Variants in ZFP1 observed in about 807,000 individuals in gnomAD.
ZFP1 encodes the protein ZFP1 zinc finger protein.
In ZFP1, 32 loss-of-function variants were observed where a neutral mutation model predicts 38.5. That is an observed-to-expected ratio of 0.83 (90% CI 0.63 to 1.12). ZFP1 has a LOEUF of 1.12. Ranked by LOEUF, ZFP1 falls within the 50% of genes most tolerant of loss-of-function variation. ZFP1 has a pLI of 0.00. For missense variants in ZFP1, 616 were observed against 480.8 expected, an observed-to-expected ratio of 1.28 and a Z score of -2.63; for synonymous variants, 245 against 168.8, an observed-to-expected ratio of 1.45 and a Z score of -3.50.
the ZFP1 span, among the ~76,000 whole-genome samples, chr16:75,120,712 C>T: frequency 6.6e-6 from 1 of 152,154 alleles, no homozygotes; most frequent in African/African-American, 2.4e-5. Context: ...CGCCATTCTC[C>T]TGCCTCAGCC....
At chr16:75,166,126 C>T (rs1293720515) in intron 2 of ZFP1, among the ~76,000 whole-genome samples, 1 of 152,120 alleles carries the variant, frequency 6.6e-6, no homozygotes, top group Non-Finnish European at 1.5e-5. Context: ...AAAACTTTGA[C>T]TATTTAAACA....
At chr16:75,134,187 A>G in the ZFP1 span, among the ~76,000 whole-genome samples, 17 of 152,236 alleles carry the variant, frequency 1.1e-4, no homozygotes, top group African/African-American at 4.1e-4. Flanking sequence ...GTTGTGCAAT[A>G]TTATGAATAT....
intron 2 of ZFP1, among the ~76,000 whole-genome samples, chr16:75,164,388 C>A (rs1374005752): frequency 6.6e-6 from 1 of 152,050 alleles, no homozygotes; most frequent in African/African-American, 2.4e-5. Flanking sequence ...ATTTTTCTTC[C>A]AAACATGGTA....
At chr16:75,138,325 G>A in the ZFP1 span, among the ~76,000 whole-genome samples, 5 of 152,134 alleles carry the variant, frequency 3.3e-5, no homozygotes, top group Admixed American at 6.6e-5. Context: ...GTGAGCCACC[G>A]CGCACAGCCA....
At chr16:75,119,959 C>A in the ZFP1 span, among the ~76,000 whole-genome samples, 2 of 152,096 alleles carry the variant, frequency 1.3e-5, no homozygotes, top group African/African-American at 2.4e-5. Flanking sequence ...TTTAGTTACA[C>A]AACGAGGCCA....
chr16:75,124,265 T>C, the ZFP1 span, among the ~76,000 whole-genome samples: 2 of 149,472 alleles, frequency 1.3e-5, no homozygotes, highest in African/African-American at 4.9e-5. Flanking sequence ...TTCAAGCGAT[T>C]CTCCTGCCTC....
chr16:75,140,359 A>C, the ZFP1 span, among the ~76,000 whole-genome samples: 1 of 152,008 alleles, frequency 6.6e-6, no homozygotes. Context: ...ACTTGAGCTC[A>C]GGAGTTCGAG....
chr16:75,158,359 T>A (rs1235518386), intron 2 of ZFP1, among the ~76,000 whole-genome samples: 12 of 151,700 alleles, frequency 7.9e-5, no homozygotes, highest in Admixed American at 2.6e-4. Context: ...TAATTTTTTT[T>A]ATTTTTTGAG....
At chr16:75,157,425 G>T (rs1365168756) in intron 2 of ZFP1, among the ~76,000 whole-genome samples, 1 of 151,798 alleles carries the variant, frequency 6.6e-6, no homozygotes, top group Middle Eastern at 3.2e-3. Context: ...TGTATTTTTA[G>T]TAGAGACGGG....
intron 1 of ZFP1, among the ~76,000 whole-genome samples, chr16:75,151,708 T>A (rs2037211685): frequency 6.6e-6 from 1 of 152,216 alleles, no homozygotes; most frequent in African/African-American, 2.4e-5. Context: ...TTGCTTTAGA[T>A]AATCTTTCAC....
At chr16:75,120,509 T>C in the ZFP1 span, among the ~76,000 whole-genome samples, 1 of 152,090 alleles carries the variant, frequency 6.6e-6, no homozygotes, top group East Asian at 1.9e-4. Flanking sequence ...GTTTGTGGTT[T>C]TTTTTTGGGT....
upstream of ZFP1, among the ~76,000 whole-genome samples, chr16:75,146,852 G>T (rs983668915): frequency 5.3e-5 from 8 of 150,038 alleles, no homozygotes; most frequent in African/African-American, 2.0e-4. Context: ...AACTGGGAGG[G>T]TCACTTGAGC....
At chr16:75,144,532 A>T (rs12716781), upstream of ZFP1, among the ~76,000 whole-genome samples, 51,998 of 152,100 alleles carry the variant, frequency 0.34, 9,046 homozygotes, top group Non-Finnish European at 0.36. Context: ...CCATAAGATT[A>T]TAGGTTATGG....
intron 2 of ZFP1, chr16:75,157,149 G>C (rs1212632790): frequency 1.3e-5 from 2 of 151,768 alleles, no homozygotes; most frequent in African/African-American, 4.8e-5. Flanking sequence ...TCTCTTTTTT[G>C]GATTACTGTT....
chr16:75,154,890 C>T (rs912096971), intron 2 of ZFP1, among the ~76,000 whole-genome samples: 2 of 152,036 alleles, frequency 1.3e-5, no homozygotes, highest in Non-Finnish European at 2.9e-5. Context: ...CTCCCCTTCC[C>T]AGGTTCAAGT....
chr16:75,124,701 G>A, the ZFP1 span, among the ~76,000 whole-genome samples: 1 of 148,122 alleles, frequency 6.8e-6, no homozygotes, highest in Non-Finnish European at 1.5e-5. Flanking sequence ...GCAGGAGAAT[G>A]GCATGAACCT....
chr16:75,162,402 AT>A (rs1417189464), intron 2 of ZFP1, among the ~76,000 whole-genome samples: 2 of 152,106 alleles, frequency 1.3e-5, no homozygotes, highest in African/African-American at 4.8e-5. Context: ...GATTACAGGC[AT>A]GAGCCACTGC....
the ZFP1 span, among the ~76,000 whole-genome samples, chr16:75,119,211 CAGA>C: frequency 2.0e-5 from 3 of 152,176 alleles, no homozygotes; most frequent in Non-Finnish European, 2.9e-5. Flanking sequence ...TTGGTAACCA[CAGA>C]AGAATTCTGA....
upstream of ZFP1, among the ~76,000 whole-genome samples, chr16:75,143,847 T>A (rs927126783): frequency 2.6e-5 from 4 of 151,442 alleles, no homozygotes; most frequent in African/African-American, 9.7e-5. Flanking sequence ...GTAGAGATGG[T>A]TTTGCCATGT....
Sources: allele counts gnomAD v4.1 joint callset (sites outside exome capture counted in the v4.1 genomes callset), GRCh38; gene constraint gnomAD v4.1.1; transcripts MANE v1.5; gene names NCBI Gene and HGNC (gene_info 2026-07-23, HGNC 2026-07-21).